The following IL33 variants were observed in gnomAD, a reference collection of about 807,000 sequenced individuals.
IL33 encodes interleukin 33.
A neutral mutation model predicts 27.3 loss-of-function variants in IL33; 37 were observed. That is an observed-to-expected ratio of 1.36 (90% CI 1.04 to 1.78). The LOEUF is 1.78. Ranked by LOEUF, IL33 falls within the 40% of genes most tolerant of loss-of-function variation. The probability of loss-of-function intolerance (pLI) is 0.00; values close to 1 mark genes in which losing one functional copy is unlikely to be tolerated. For missense variants in IL33, 406 were observed against 311.4 expected, an observed-to-expected ratio of 1.30 and a Z score of -2.29; for synonymous variants, 132 against 102.9, an observed-to-expected ratio of 1.28 and a Z score of -1.71.
At chr9:6,224,418 C>T (rs529515613) in intron 1 of IL33, among the ~76,000 whole-genome samples, 1 of 152,194 alleles carries the variant, frequency 6.6e-6, no homozygotes, top group African/African-American at 2.4e-5. Flanking sequence ...TATCAAAATC[C>T]AAAGCTTTGC....
At chr9:6,218,935 TA>T in intron 1 of IL33, among the ~76,000 whole-genome samples, 1 of 126,336 alleles carries the variant, frequency 7.9e-6, no homozygotes, top group Non-Finnish European at 1.7e-5. Flanking sequence ...TATATATATA[TA>T]TATATATGTC....
rs1379759145 is a variant in IL33 at position 6,217,848 on chromosome 9, A to ATACTATTT, written c.-12+1996_-12+1997insTACTATTT. On this transcript the variant is annotated intron_variant, in intron 1 of 7. Coordinates refer to ENST00000682010, the MANE Select transcript of IL33 (RefSeq NM_033439.4). ...TGTCCTGTGGCTGCATACAAGTCAGAGACTTGAGAGTGAAGTGTCTAGGGC... is the reference window on the plus strand; with the variant it reads ...TGTCCTGTGGCTGCATACAAGTCAGATACTATTTGACTTGAGAGTGAAGTGTCTAGGGC... Among the ~76,000 whole-genome samples the ATACTATTT allele has an allele frequency of 1.7e-3, 253 of 152,116 alleles. 3 individuals are homozygous for ATACTATTT. Among genetic ancestry groups the ATACTATTT allele is most frequent in the Non-Finnish European group, 2.5e-3 (168 of 67,944 alleles).
intron 1 of IL33, among the ~76,000 whole-genome samples, chr9:6,224,424 T>C (rs1818545380): frequency 6.6e-6 from 1 of 152,214 alleles, no homozygotes; most frequent in Non-Finnish European, 1.5e-5. Flanking sequence ...AATCCAAAGC[T>C]TTGCCATCTG....
In IL33 at chr9:6,254,554, GT is replaced by G; in HGVS notation, c.612+2del. 1 of 1,537,854 alleles carries G rather than the reference GT, an allele frequency of 6.5e-7. No individual in the cohort carries two copies. Among genetic ancestry groups the G allele is most frequent in the Non-Finnish European group, 8.7e-7 (1 of 1,143,080 alleles). ...CAACAACAAGGAACACTCTGTGGAG[GT>G]AAAAAAAAAAAATTTATCTATATCT... On this transcript the variant is annotated splice_donor_variant, in intron 7 of 7. Transcript: ENST00000682010. LOFTEE classifies it high-confidence loss of function.
chr9:6,226,053 G>A (rs1818611260), intron 1 of IL33, among the ~76,000 whole-genome samples: 2 of 152,020 alleles, frequency 1.3e-5, no homozygotes, highest in African/African-American at 4.8e-5. Context: ...TGTAACCCAG[G>A]CTAGAGTGCA....
intron 1 of IL33, among the ~76,000 whole-genome samples, chr9:6,231,992 G>T (rs1383209091): frequency 2.0e-5 from 3 of 152,156 alleles, no homozygotes; most frequent in East Asian, 1.9e-4. Context: ...CTGATTAAAT[G>T]AATTTATTTT....
chr9:6,246,202 G>A (rs116389073), intron 2 of IL33, among the ~76,000 whole-genome samples: 5 of 151,522 alleles, frequency 3.3e-5, no homozygotes, highest in African/African-American at 1.2e-4. Context: ...TTATTATAAG[G>A]ACTGCCATGG....
intron 1 of IL33, among the ~76,000 whole-genome samples, chr9:6,225,825 C>A (rs10815379): frequency 0.21 from 31,933 of 151,920 alleles, 3,631 homozygotes; most frequent in East Asian, 0.44. Flanking sequence ...CTAGCTCAAG[C>A]GACCCTCCTA....
At chr9:6,249,082 G>A (rs1029549253) in intron 2 of IL33, among the ~76,000 whole-genome samples, 4 of 152,230 alleles carry the variant, frequency 2.6e-5, no homozygotes, top group South Asian at 2.1e-4. Context: ...AGATACCACC[G>A]TTGATATTTC....
Position 6,227,470 on chromosome 9 carries a change from G to T in IL33, c.-12+11618G>T, listed in dbSNP as rs1302662548. On this transcript the variant is annotated intron_variant, in intron 1 of 7. Transcript: ENST00000682010. ...TGGTAACTAACCCATTATTATGCTG[G>T]AAACAGCATATTTCATTAAATAACT... Among the ~76,000 whole-genome samples, 10 of 152,062 alleles carry T rather than the reference G, an allele frequency of 6.6e-5. No homozygotes were observed. The East Asian group carries it at 1.7e-3, about 26-fold the overall frequency.
At chr9:6,216,374 T>G (rs996398694) in intron 1 of IL33, among the ~76,000 whole-genome samples, 7 of 152,214 alleles carry the variant, frequency 4.6e-5, no homozygotes, top group African/African-American at 1.4e-4. Context: ...TTGATAATTC[T>G]ACTTCTAACT....
upstream of IL33, among the ~76,000 whole-genome samples, chr9:6,215,336 T>C (rs145367801): frequency 5.6e-3 from 846 of 152,308 alleles, 4 homozygotes; most frequent in Middle Eastern, 0.02. Flanking sequence ...CCGTCAGATA[T>C]GTTGGAATAC....
intron 1 of IL33, among the ~76,000 whole-genome samples, chr9:6,236,938 T>C (rs1819247747): frequency 1.3e-5 from 2 of 152,230 alleles, no homozygotes; most frequent in South Asian, 4.1e-4. Flanking sequence ...GATCTGACGG[T>C]AGGAAAAAGA....
At chr9:6,254,581 AT>A in intron 7 of IL33, 28 bp downstream of exon 7, 1 of 1,308,800 alleles carries the variant, frequency 7.6e-7, no homozygotes. Context: ...ATCTATATCT[AT>A]ATATATGATT....
chr9:6,218,525 C>T (rs1304611969), intron 1 of IL33, among the ~76,000 whole-genome samples: 1 of 151,446 alleles, frequency 6.6e-6, no homozygotes, highest in Non-Finnish European at 1.5e-5. Context: ...AAAAGTTAAG[C>T]TCCATCAGGG....
At chr9:6,224,287 C>A (rs563833693) in intron 1 of IL33, among the ~76,000 whole-genome samples, 1 of 152,202 alleles carries the variant, frequency 6.6e-6, no homozygotes, top group South Asian at 2.1e-4. Context: ...ACTGTAAAAT[C>A]TGGAATTAAT....
Position 6,240,312 on chromosome 9 carries a change from A to G in IL33, c.-11-1372A>G, listed in dbSNP as rs79540099. Among the ~76,000 whole-genome samples the G allele has an allele frequency of 3.6e-3, 542 of 152,268 alleles. 4 individuals carry two copies. The highest frequency in any genetic ancestry group is 0.012 in the African/African-American group (481 of 41,562). Reference sequence around the variant, plus strand: ...AGAAATACATTCATTTGGTCCAGAAAGGTGGGATAACTTGAAGCGTGGGGT... The same window carrying G: ...AGAAATACATTCATTTGGTCCAGAAGGGTGGGATAACTTGAAGCGTGGGGT... On this transcript the variant is annotated intron_variant, in intron 1 of 7. Coordinates refer to ENST00000682010, the MANE Select transcript of IL33 (RefSeq NM_033439.4).
intron 4 of IL33, 37 bp downstream of exon 4, chr9:6,251,302 G>A (rs763044790): frequency 2.5e-6 from 4 of 1,608,902 alleles, no homozygotes; most frequent in Non-Finnish European, 2.5e-6. Flanking sequence ...GGAGTGAGGA[G>A]GGAGGTATGA....
chr9:6,241,702 C>T lies in IL33; in HGVS notation c.8C>T (p.Pro3Leu). 1 of 1,602,610 alleles carries T rather than the reference C, an allele frequency of 6.2e-7. No individual in the cohort carries two copies. Among genetic ancestry groups the T allele is most frequent in the Non-Finnish European group, 8.5e-7 (1 of 1,172,934 alleles). The change falls in exon 2 of 8, where the codon CCT (proline) becomes CTT (leucine). Residue 3 changes from proline to leucine, a missense_variant. Transcript: ENST00000682010. Reference protein sequence around the residue: MKPKMKYSTNKIS... With the variant: MKLKMKYSTNKIS... ...CCAACAGAATACTGAAAAATGAAGC[C>T]TAAAATGAAGTATTCAACCAACAAA...
Sources: allele counts gnomAD v4.1 joint callset (sites outside exome capture counted in the v4.1 genomes callset), GRCh38; gene constraint gnomAD v4.1.1; transcripts MANE v1.5; gene names NCBI Gene and HGNC (gene_info 2026-07-23, HGNC 2026-07-21).